The following CSMD1 variants were observed in gnomAD, a reference collection of about 807,000 sequenced individuals.
CSMD1 encodes the protein CUB and sushi domain-containing protein 1.
A neutral mutation model predicts 417.5 loss-of-function variants in CSMD1; 213 were observed. The observed-to-expected ratio is 0.51, with a 90% CI of 0.46 to 0.57. The LOEUF (loss-of-function observed/expected upper bound fraction) is 0.57, where lower values mean the gene tolerates loss of function less well. Among genes scored for constraint, CSMD1 ranks in the 20% least tolerant of loss-of-function variants. The pLI is 0.00. For synonymous variants in CSMD1, 2,862 were observed against 1,736.8 expected (o/e 1.65, Z -16.11); for missense variants, 6,923 against 4,529.7 (o/e 1.53, Z -15.17).
chr8:3,878,237 G>A (rs1322845982), intron 5 of CSMD1, among the ~76,000 whole-genome samples: 1 of 152,128 alleles, frequency 6.6e-6, no homozygotes, highest in Non-Finnish European at 1.5e-5. Context: ...AAGTCGAGAT[G>A]ATAATTTCTT....
intron 11 of CSMD1, among the ~76,000 whole-genome samples, chr8:3,477,242 AT>A (rs1369096762): frequency 5.9e-5 from 9 of 152,224 alleles, no homozygotes; most frequent in African/African-American, 1.2e-4. Flanking sequence ...ATGTACCTGA[AT>A]TTTAAAAAAG....
At chr8:4,699,679 C>A (rs531701686) in intron 1 of CSMD1, among the ~76,000 whole-genome samples, 1 of 152,032 alleles carries the variant, frequency 6.6e-6, no homozygotes, top group African/African-American at 2.4e-5. Context: ...TGTCATCATC[C>A]GTACATATGA....
At chr8:4,033,107 C>G (rs1202721490) in intron 3 of CSMD1, among the ~76,000 whole-genome samples, 2 of 132,560 alleles carry the variant, frequency 1.5e-5, no homozygotes, top group East Asian at 2.4e-4. Context: ...AATAACTTAA[C>G]TCTTGCAATT....
rs148500738 is a variant in CSMD1, at chr8:4,482,753, A to G, written c.303-62688T>C. Among the ~76,000 whole-genome samples the G allele has an allele frequency of 3.7e-3, 571 of 152,278 alleles. 2 individuals are homozygous for G. Among genetic ancestry groups the G allele is most frequent in the African/African-American group, 0.013 (554 of 41,550 alleles). The stretch of plus-strand genomic sequence containing the variant: ...CCTTTTTAGCCACAACCTTGCCAGC[A>G]TCTGTTATTTTTTGACTTGTTTAAA... On this transcript the variant is annotated intron_variant, in intron 2 of 69. Coordinates refer to ENST00000635120, the MANE Select transcript of CSMD1 (RefSeq NM_033225.6).
intron 3 of CSMD1, among the ~76,000 whole-genome samples, chr8:4,037,130 TTTC>T (rs760868135): frequency 1.3e-5 from 2 of 152,246 alleles, no homozygotes; most frequent in Non-Finnish European, 2.9e-5. Context: ...TTTATTAATC[TTTC>T]TTAAGTGAAT....
chr8:3,288,671 C>G (rs966017973), intron 25 of CSMD1, among the ~76,000 whole-genome samples: 1 of 146,690 alleles, frequency 6.8e-6, no homozygotes, highest in Non-Finnish European at 1.5e-5. Flanking sequence ...TTTATTGTGT[C>G]TATTTGATTC....
intron 12 of CSMD1, among the ~76,000 whole-genome samples, chr8:3,462,244 C>G (rs1189592485): frequency 6.6e-6 from 1 of 152,174 alleles, no homozygotes; most frequent in Non-Finnish European, 1.5e-5. Flanking sequence ...GGCACCAAGC[C>G]TGGCCCAATT....
intron 7 of CSMD1, among the ~76,000 whole-genome samples, chr8:3,679,472 C>A (rs1411089107): frequency 6.6e-6 from 1 of 152,288 alleles, no homozygotes; most frequent in East Asian, 1.9e-4. Context: ...ATCAATTCAA[C>A]AAGAAGAGCT....
chr8:3,692,445 ATT>A (rs34507049), intron 7 of CSMD1, among the ~76,000 whole-genome samples: 28 of 147,500 alleles, frequency 1.9e-4, no homozygotes, highest in South Asian at 6.4e-4. Context: ...TTTAACAATA[ATT>A]TTTTTTTTTT....
chr8:4,957,944 CCTT>C (rs1484084774), intron 1 of CSMD1, among the ~76,000 whole-genome samples: 4 of 152,150 alleles, frequency 2.6e-5, no homozygotes, highest in Admixed American at 2.6e-4. Flanking sequence ...TTGAAGTACT[CCTT>C]CTGCTTTTCT....
At chr8:4,516,240 G>C (rs1047947469) in intron 2 of CSMD1, among the ~76,000 whole-genome samples, 3 of 152,160 alleles carry the variant, frequency 2.0e-5, no homozygotes, top group Non-Finnish European at 2.9e-5. Flanking sequence ...GACCCAGAGA[G>C]AAGGGGCCTT....
At chr8:4,283,108 A>G (rs942514356) in intron 3 of CSMD1, among the ~76,000 whole-genome samples, 1 of 152,162 alleles carries the variant, frequency 6.6e-6, no homozygotes, top group Non-Finnish European at 1.5e-5. Flanking sequence ...GACTTTAGAA[A>G]TTACTACCAG....
At chr8:4,015,319 T>C (rs1796468284) in intron 4 of CSMD1, among the ~76,000 whole-genome samples, 1 of 152,172 alleles carries the variant, frequency 6.6e-6, no homozygotes, top group Middle Eastern at 3.2e-3. Flanking sequence ...AAAGCATGAC[T>C]TCTCTTCCTT....
intron 3 of CSMD1, among the ~76,000 whole-genome samples, chr8:4,292,417 T>G (rs1458490983): frequency 2.0e-5 from 3 of 152,004 alleles, no homozygotes. Context: ...CACGCCCGGC[T>G]AATTTTTTGT....
chr8:4,190,890 C>G (rs1798985354), intron 3 of CSMD1, among the ~76,000 whole-genome samples: 1 of 149,636 alleles, frequency 6.7e-6, no homozygotes, highest in African/African-American at 2.5e-5. Context: ...TAAGAGGGAG[C>G]TAAATTGTGA....
At chr8:3,192,926 A>C (rs1796504912) in intron 33 of CSMD1, among the ~76,000 whole-genome samples, 2 of 127,836 alleles carry the variant, frequency 1.6e-5, no homozygotes, top group Non-Finnish European at 3.7e-5. Flanking sequence ...AGAGTTGAAT[A>C]ATGGCATGAA....
chr8:4,870,786 G>A (rs1040595248), intron 1 of CSMD1, among the ~76,000 whole-genome samples: 2 of 152,104 alleles, frequency 1.3e-5, no homozygotes, highest in Non-Finnish European at 2.9e-5. Context: ...CTGGTCCTCG[G>A]AAAATGCCAC....
chr8:3,401,036 G>A (rs547413592), intron 15 of CSMD1, among the ~76,000 whole-genome samples: 8 of 151,226 alleles, frequency 5.3e-5, no homozygotes, highest in African/African-American at 9.7e-5. Flanking sequence ...ATCACATATC[G>A]ATATACATAA....
chr8:3,880,022 T>G (rs913997153), intron 5 of CSMD1, among the ~76,000 whole-genome samples: 2 of 152,030 alleles, frequency 1.3e-5, no homozygotes, highest in African/African-American at 4.8e-5. Context: ...CTGACTAATG[T>G]AAGTATAAAA....
Sources: gnomAD v4.1 joint callset for allele counts (sites outside exome capture counted in the v4.1 genomes callset) on GRCh38, gnomAD v4.1.1 for gene constraint, MANE v1.5 for transcripts, NCBI Gene and HGNC (gene_info 2026-07-23, HGNC 2026-07-21) for gene names.